Variants in OPRM1 observed in about 807,000 individuals in gnomAD.
OPRM1 encodes the protein mu-type opioid receptor.
A neutral mutation model predicts 31.8 loss-of-function variants in OPRM1; 27 were observed. That is an observed-to-expected ratio of 0.85 (90% CI 0.63 to 1.17). The LOEUF is 1.17. Ranked by LOEUF, OPRM1 falls within the 50% of genes most tolerant of loss-of-function variation. OPRM1 has a pLI of 0.00. For synonymous variants in OPRM1, 196 were observed against 189.9 expected (o/e 1.03, Z -0.26); for missense variants, 536 against 511.1 (o/e 1.05, Z -0.47).
intron 1 of OPRM1, among the ~76,000 whole-genome samples, chr6:154,011,479 A>G (rs973652897): frequency 2.0e-5 from 3 of 152,218 alleles, no homozygotes; most frequent in Non-Finnish European, 4.4e-5. Flanking sequence ...TAGTGTAAAC[A>G]TAAACTGCTT....
intron 1 of OPRM1, among the ~76,000 whole-genome samples, chr6:154,061,925 C>T (rs1784511558): frequency 1.3e-5 from 2 of 151,972 alleles, no homozygotes; most frequent in Non-Finnish European, 2.9e-5. Flanking sequence ...ATAATGCGTT[C>T]TATGAAAATT....
rs1473607268 is a variant in OPRM1, at chr6:154,121,685, C to T, written c.*2964C>T. On this transcript the variant is annotated 3_prime_UTR_variant, in exon 4 of 4. Transcript: ENST00000330432. ...AATTCTGTTTCCCACATTGTCACAG[C>T]ATGCCCTTTACATCTCAGGATCCAG... is the stretch of plus-strand genomic sequence containing the variant. Among the ~76,000 whole-genome samples the T allele has an allele frequency of 6.6e-5, 10 of 152,190 alleles. No homozygotes were observed. Among genetic ancestry groups the T allele is most frequent in the Non-Finnish European group, 1.5e-4 (10 of 68,026 alleles).
intron 3 of OPRM1, among the ~76,000 whole-genome samples, chr6:154,115,814 A>AT (rs1796813284): frequency 6.6e-6 from 1 of 152,238 alleles, no homozygotes; most frequent in African/African-American, 2.4e-5. Flanking sequence ...AGGAACATAG[A>AT]GTTTCATCTG....
upstream of OPRM1, among the ~76,000 whole-genome samples, chr6:154,035,096 A>T (rs1779226152): frequency 1.3e-5 from 2 of 152,220 alleles, no homozygotes; most frequent in Admixed American, 6.5e-5. Flanking sequence ...CCCTCTTTGA[A>T]GTTGATTCTC....
intron 3 of OPRM1, among the ~76,000 whole-genome samples, chr6:154,172,096 A>G (rs766007814): frequency 1.6e-4 from 25 of 152,242 alleles, no homozygotes; most frequent in Non-Finnish European, 2.4e-4. Flanking sequence ...CAATTGAGCC[A>G]CTAAAAGAAA....
Position 154,120,483 on chromosome 6 carries a change from C to T in OPRM1, c.*1762C>T, listed in dbSNP as rs948156187. Among the ~76,000 whole-genome samples the T allele has an allele frequency of 2.0e-5, 3 of 152,090 alleles. No homozygotes were observed. Among genetic ancestry groups the T allele is most frequent in the Admixed American group, 1.3e-4 (2 of 15,260 alleles). ...AATATTATGTTCCATAATAGACATA[C>T]ATTATGTTTAATTTTTTATATTTTC... On this transcript the variant is annotated 3_prime_UTR_variant, in exon 4 of 4. Transcript: ENST00000330432.
At chr6:154,166,250 G>A (rs957370995) in intron 3 of OPRM1, among the ~76,000 whole-genome samples, 5 of 152,242 alleles carry the variant, frequency 3.3e-5, no homozygotes, top group African/African-American at 1.2e-4. Context: ...GACCCATAGG[G>A]AATGGTAACA....
chr6:154,171,073 C>A (rs1799831549), intron 3 of OPRM1, among the ~76,000 whole-genome samples: 1 of 152,108 alleles, frequency 6.6e-6, no homozygotes, highest in African/African-American at 2.4e-5. Context: ...TTGTCCATTT[C>A]TCATGGAGTT....
intron 1 of OPRM1, among the ~76,000 whole-genome samples, chr6:154,072,593 T>C (rs780995872): frequency 1.2e-4 from 18 of 152,178 alleles, no homozygotes; most frequent in Admixed American, 2.6e-4. Flanking sequence ...TAGAAACTAT[T>C]TTTTAGAGAA....
chr6:154,176,702 C>G (rs1800364142), intron 3 of OPRM1, among the ~76,000 whole-genome samples: 1 of 152,202 alleles, frequency 6.6e-6, no homozygotes. Flanking sequence ...ATTCCATGCT[C>G]ATGGATAGGA....
At chr6:154,059,198 T>G (rs996711283) in intron 1 of OPRM1, among the ~76,000 whole-genome samples, 1 of 152,202 alleles carries the variant, frequency 6.6e-6, no homozygotes, top group Admixed American at 6.5e-5. Flanking sequence ...TCCTTGCAAG[T>G]CAAACCCTGC....
upstream of OPRM1, among the ~76,000 whole-genome samples, chr6:154,037,498 C>G (rs1357474637): frequency 6.6e-6 from 1 of 151,922 alleles, no homozygotes; most frequent in Non-Finnish European, 1.5e-5. Context: ...ACTGTAGTTT[C>G]AGAGCAGATA....
chr6:154,137,434 C>T (rs1257168516), intron 3 of OPRM1, among the ~76,000 whole-genome samples: 1 of 151,954 alleles, frequency 6.6e-6, no homozygotes, highest in Non-Finnish European at 1.5e-5. Flanking sequence ...GTTATTGATG[C>T]TAATAATTTT....
At chr6:154,143,023 G>C (rs1345515790) in intron 3 of OPRM1, among the ~76,000 whole-genome samples, 2 of 152,050 alleles carry the variant, frequency 1.3e-5, no homozygotes, top group African/African-American at 4.8e-5. Flanking sequence ...TGAACTCCCT[G>C]AACATTCTCT....
intron 3 of OPRM1, among the ~76,000 whole-genome samples, chr6:154,160,938 T>C (rs1195132112): frequency 3.3e-5 from 5 of 152,164 alleles, no homozygotes; most frequent in African/African-American, 1.2e-4. Flanking sequence ...CAGGGATGCA[T>C]GTAAATGCCG....
At chr6:154,081,733 C>T (rs373539172) in intron 1 of OPRM1, among the ~76,000 whole-genome samples, 1 of 152,158 alleles carries the variant, frequency 6.6e-6, no homozygotes, top group East Asian at 1.9e-4. Flanking sequence ...GGACCCATTG[C>T]TTACAACACA....
intron 3 of OPRM1, among the ~76,000 whole-genome samples, chr6:154,235,687 A>G (rs1196949216): frequency 2.0e-5 from 3 of 152,204 alleles, no homozygotes; most frequent in Non-Finnish European, 4.4e-5. Flanking sequence ...TTTCGTCTGT[A>G]CTATTAAAAT....
At chr6:154,035,501 A>G (rs186418318), upstream of OPRM1, among the ~76,000 whole-genome samples, 22 of 152,180 alleles carry the variant, frequency 1.4e-4, no homozygotes, top group Non-Finnish European at 4.4e-5. Flanking sequence ...TCCTCCAATG[A>G]AACCTTGGAT....
At chr6:154,028,696 C>T (rs1778841360) in intron 1 of OPRM1, among the ~76,000 whole-genome samples, 1 of 152,162 alleles carries the variant, frequency 6.6e-6, no homozygotes, top group South Asian at 2.1e-4. Flanking sequence ...CATGGGCAGG[C>T]ATCAACTGAG....
Sources: gnomAD v4.1 joint callset for allele counts (sites outside exome capture counted in the v4.1 genomes callset) on GRCh38, gnomAD v4.1.1 for gene constraint, MANE v1.5 for transcripts, NCBI Gene and HGNC (gene_info 2026-07-23, HGNC 2026-07-21) for gene names.